ADAMTS20: variants seen among roughly 807,000 people sequenced by gnomAD.
The protein encoded by ADAMTS20 is ADAM metallopeptidase with thrombospondin type 1 motif 20.
ADAMTS20 carries 225 observed loss-of-function variants against 260.1 expected under a neutral mutation model. The ratio of observed to expected loss-of-function variants is 0.87; its 90% CI spans 0.78 to 0.97. ADAMTS20 has a LOEUF of 0.97. Ranked by LOEUF, ADAMTS20 falls within the 50% of genes least tolerant of loss-of-function variation. ADAMTS20 has a pLI of 0.00. For synonymous variants in ADAMTS20, 802 were observed against 769.5 expected (o/e 1.04, Z -0.70); for missense variants, 2,400 against 2,337.7 (o/e 1.03, Z -0.55).
At position 43,377,093 on chromosome 12, in the gene ADAMTS20, T is replaced by C. The variant is rs77208946; in HGVS notation, c.4995+272A>G. Among the ~76,000 whole-genome samples, 1,114 of 152,336 alleles carry C rather than the reference T, an allele frequency of 7.3e-3. 35 individuals carry two copies. The East Asian group carries it at 0.11, about 15-fold the overall frequency. On this transcript the variant is annotated intron_variant, in intron 32 of 38. Coordinates refer to ENST00000389420, the MANE Select transcript of ADAMTS20 (RefSeq NM_025003.5). ...TACTTCTTCACTTAACCAATAAATA[T>C]TTCTTAAGCACTTACTCAAAGTGCA...
Position 43,532,059 on chromosome 12 carries a change from G to A in ADAMTS20, c.590C>T (p.Thr197Ile). Residue 197 changes from threonine to isoleucine, a missense_variant, in exon 3 of 39, where the codon ACT becomes ATT. Thr to Ile is a moderately conservative substitution (Grantham distance 89). Coordinates refer to ENST00000389420, the MANE Select transcript of ADAMTS20 (RefSeq NM_025003.5). ...RQDLNNSFLQ[T>I]LKYCSVSESQ... is the part of the protein sequence containing the mutation. Reference sequence around the variant, plus strand: ...ACCTGACACACTGCAATACTTCAGAGTCTGCAGAAAAGAGTTATTTAAGTC... The same window carrying A: ...ACCTGACACACTGCAATACTTCAGAATCTGCAGAAAAGAGTTATTTAAGTC... 2 of 1,602,122 alleles carry A rather than the reference G, an allele frequency of 1.2e-6. No homozygotes were observed. Among genetic ancestry groups the A allele is most frequent in the South Asian group, 2.2e-5 (2 of 89,314 alleles).
intron 19 of ADAMTS20, among the ~76,000 whole-genome samples, chr12:43,433,285 T>C (rs1941484832): frequency 6.6e-6 from 1 of 152,226 alleles, no homozygotes; most frequent in Admixed American, 6.5e-5. Flanking sequence ...AATCTATATT[T>C]AGACATGTTT....
At chr12:43,542,144 G>A (rs538962584) in intron 2 of ADAMTS20, among the ~76,000 whole-genome samples, 1 of 152,172 alleles carries the variant, frequency 6.6e-6, no homozygotes, top group Non-Finnish European at 1.5e-5. Context: ...AATTGTCAAA[G>A]AAATGGCCAC....
chr12:43,364,191 A>T (rs915698294), intron 37 of ADAMTS20, among the ~76,000 whole-genome samples: 7 of 151,964 alleles, frequency 4.6e-5, no homozygotes, highest in Admixed American at 2.0e-4. Context: ...CCAGGTAATT[A>T]AAAAAAATAC....
At position 43,461,688 on chromosome 12, in the gene ADAMTS20, ATTTTTT is replaced by A. The variant is rs1453544749; in HGVS notation, c.1614+1201_1614+1206del. Among the ~76,000 whole-genome samples, 3 of 152,056 alleles carry A rather than the reference ATTTTTT, an allele frequency of 2.0e-5. No homozygotes were observed. The South Asian group carries it at 6.2e-4, about 32-fold the overall frequency. ...AGCCCAGCATTCATACTTCAAAAAG[ATTTTTT>A]TTCCTCTGCTGAGCCTCAGGTAGTC... On this transcript the variant is annotated intron_variant, in intron 11 of 38. Transcript: ENST00000389420.
Position 43,383,806 on chromosome 12 carries a change from T to C in ADAMTS20, c.4624A>G (p.Asn1542Asp). The C allele has an allele frequency of 6.2e-7, 1 of 1,613,820 alleles. No individual in the cohort carries two copies. Among genetic ancestry groups the C allele is most frequent in the Non-Finnish European group, 8.5e-7 (1 of 1,179,764 alleles). ...AAAATTTACATGTCGATACTCACAT[T>C]CAGCCTCCCTCTTTCCATCCCCTTG... is the stretch of plus-strand genomic sequence containing the variant. ...QHKGMERGRL[N>D]CSTSCERKDS... Residue 1542 changes from asparagine to aspartate, a missense_variant and splice_region_variant, in exon 30 of 39, where the codon AAT becomes GAT. Transcript: ENST00000389420.
At chr12:43,501,954 G>C (rs1942772821) in intron 4 of ADAMTS20, among the ~76,000 whole-genome samples, 198 bp downstream of exon 4, 1 of 152,062 alleles carries the variant, frequency 6.6e-6, no homozygotes, top group Non-Finnish European at 1.5e-5. Context: ...AAATGTTTTA[G>C]AAAGGTGTCC....
chr12:43,547,762 T>C (rs1287547735), intron 2 of ADAMTS20, among the ~76,000 whole-genome samples: 2 of 152,122 alleles, frequency 1.3e-5, no homozygotes, highest in Non-Finnish European at 2.9e-5. Flanking sequence ...ATGGATATTA[T>C]AGCCAGAATT....
intron 28 of ADAMTS20, among the ~76,000 whole-genome samples, chr12:43,417,393 A>G (rs1941152111): frequency 6.6e-6 from 1 of 152,240 alleles, no homozygotes; most frequent in African/African-American, 2.4e-5. Context: ...AATAATGTAT[A>G]AGAGTTTTAA....
chr12:43,484,950 TTCACTACTGAATTCGA>T (rs1324954335), intron 7 of ADAMTS20, among the ~76,000 whole-genome samples: 1 of 151,954 alleles, frequency 6.6e-6, no homozygotes, highest in East Asian at 1.9e-4. Flanking sequence ...GCCAGACGGA[TTCACTACTGAATTCGA>T]TCAGACATTC....
intron 9 of ADAMTS20, among the ~76,000 whole-genome samples, chr12:43,465,860 G>C (rs1042634238): frequency 6.6e-6 from 1 of 152,038 alleles, no homozygotes; most frequent in African/African-American, 2.4e-5. Flanking sequence ...ATAAATATAT[G>C]TTCCAAAGCA....
At chr12:43,478,085 G>C (rs1332642262) in intron 7 of ADAMTS20, among the ~76,000 whole-genome samples, 1 of 152,076 alleles carries the variant, frequency 6.6e-6, no homozygotes, top group Non-Finnish European at 1.5e-5. Context: ...TTTCAGATAT[G>C]TGAATTTTCA....
intron 3 of ADAMTS20, 93 bp from the exon 4 acceptor site, chr12:43,502,498 T>G (rs560363506): frequency 8.8e-7 from 1 of 1,137,686 alleles, no homozygotes; most frequent in East Asian, 2.4e-5. Context: ...TATTTAATAC[T>G]TACATATCTG....
chr12:43,371,808 T>C lies in ADAMTS20; in HGVS notation c.5447-2427A>G, dbSNP rs558001352. 1.2e-3 allele frequency among the ~76,000 whole-genome samples: 185 copies of C among 152,178 alleles called. 1 individual carries two copies. The highest frequency in any genetic ancestry group is 2.1e-3 in the Non-Finnish European group (145 of 68,020). On this transcript the variant is annotated intron_variant, in intron 36 of 38. Coordinates refer to ENST00000389420, the MANE Select transcript of ADAMTS20 (RefSeq NM_025003.5). The stretch of plus-strand genomic sequence containing the variant: ...GGTGGAAAGGTCATGGTGACTCTTG[T>C]TGACCAGTGAAATGCACAATTTTGT...
chr12:43,517,767 T>C (rs999399571), intron 3 of ADAMTS20, among the ~76,000 whole-genome samples: 1 of 151,996 alleles, frequency 6.6e-6, no homozygotes, highest in Non-Finnish European at 1.5e-5. Flanking sequence ...TCCTCCAACA[T>C]ATCAAGACTT....
At chr12:43,489,561 A>G (rs1942571765) in intron 7 of ADAMTS20, among the ~76,000 whole-genome samples, 1 of 152,016 alleles carries the variant, frequency 6.6e-6, no homozygotes, top group African/African-American at 2.4e-5. Context: ...TATTACATTT[A>G]GACTAAAAAA....
intron 7 of ADAMTS20, among the ~76,000 whole-genome samples, chr12:43,480,523 C>T (rs1942425201): frequency 6.6e-6 from 1 of 152,046 alleles, no homozygotes; most frequent in South Asian, 2.1e-4. Flanking sequence ...TCCATAATGG[C>T]TGTAGTAATT....
At chr12:43,501,475 G>GCACACACACA (rs1353322850) in intron 4 of ADAMTS20, among the ~76,000 whole-genome samples, 23 of 59,114 alleles carry the variant, frequency 3.9e-4, no homozygotes, top group South Asian at 3.4e-3. Flanking sequence ...GCGCGCGCGC[G>GCACACACACA]CGCGCGCACA....
intron 28 of ADAMTS20, among the ~76,000 whole-genome samples, chr12:43,405,039 C>T (rs1442754229): frequency 2.0e-5 from 3 of 151,548 alleles, no homozygotes; most frequent in African/African-American, 7.3e-5. Flanking sequence ...AAGTATCTTA[C>T]AACAGTTAAA....
Sources: gnomAD v4.1 joint callset for allele counts (sites outside exome capture counted in the v4.1 genomes callset) on GRCh38, gnomAD v4.1.1 for gene constraint, MANE v1.5 for transcripts, NCBI Gene and HGNC (gene_info 2026-07-23, HGNC 2026-07-21) for gene names.